The following ZNFX1 variants were observed in gnomAD, a reference collection of about 807,000 sequenced individuals.
ZNFX1 encodes the protein NFX1-type zinc finger-containing protein 1.
In ZNFX1, 78 loss-of-function variants were observed where a neutral mutation model predicts 179.8. That is an observed-to-expected ratio of 0.43 (90% CI 0.36 to 0.52). The LOEUF is 0.52. Ranked by LOEUF, ZNFX1 falls within the 20% of genes least tolerant of loss-of-function variation. The pLI is 0.00. For synonymous variants in ZNFX1, 848 were observed against 868.5 expected, an observed-to-expected ratio of 0.98 and a Z score of 0.42; for missense variants, 1,927 against 2,386.6, an observed-to-expected ratio of 0.81 and a Z score of 4.01.
rs756833160 is a variant in ZNFX1, at chr20:49,248,912, C to T, written c.4112G>A (p.Cys1371Tyr). ...AGACTTGGAGCAAGGCTCCTGGCAG[C>T]AGAAATCTGACTCAGGCACGGAACA... ...VPCSVPESDF[C>Y]CQEPCSKSLR... Residue 1371 changes from cysteine (C) to tyrosine (Y), a missense_variant, in exon 14 of 14, where the codon TGC becomes TAC. Transcript: ENST00000396105. The surrounding 1 kb of genome is among the most constrained non-coding windows in gnomAD (Gnocchi z 4.6). The T allele has an allele frequency of 2.5e-5, 40 of 1,614,154 alleles. No homozygotes were observed. Among genetic ancestry groups the T allele is most frequent in the Non-Finnish European group, 3.4e-5 (40 of 1,180,062 alleles).
At position 49,249,366 on chromosome 20, in the gene ZNFX1, C is replaced by T; in HGVS notation, c.3658G>A (p.Ala1220Thr). Residue 1220 changes from alanine (A) to threonine (T), a missense_variant, in exon 14 of 14, where the codon GCC becomes ACC. Transcript: ENST00000396105. The stretch of plus-strand genomic sequence containing the variant: ...ATTCCCTTCTTGGCTCGGGACAAGG[C>T]CACACAGATGCGGTTGGATATCTGC... ...FLQISNRICV[A>T]LSRAKKGMYC... 2 of 1,614,256 alleles carry T rather than the reference C, an allele frequency of 1.2e-6. No individual in the cohort carries two copies. The highest frequency in any genetic ancestry group is 1.7e-6 in the Non-Finnish European group (2 of 1,180,052).
intron 5 of ZNFX1, among the ~76,000 whole-genome samples, chr20:49,264,513 T>C (rs185903907): frequency 6.6e-6 from 1 of 152,208 alleles, no homozygotes; most frequent in East Asian, 1.9e-4. Flanking sequence ...ATGGGCAGTG[T>C]TTCCTTGTCT....
rs145092573 is a variant in ZNFX1 at position 49,255,855 on chromosome 20, G to T, written c.2757C>A (p.Ile919=). Residue 919 remains isoleucine, a synonymous_variant, in exon 9 of 14, where the codon ATC becomes ATA. Coordinates refer to ENST00000396105, the MANE Select transcript of ZNFX1 (RefSeq NM_021035.3). ...NTMTAAEANE[I]EDVWQLDLSS... ...TGAGGTCCAGCTGCCAAACATCCTC[G>T]ATCTCGTTGGCCTCGGCTGCAGTCA... is the stretch of plus-strand genomic sequence containing the variant. 28 of 1,614,000 alleles carry T rather than the reference G, an allele frequency of 1.7e-5. No individual in the cohort carries two copies. In the Middle Eastern group the frequency reaches 6.6e-4, roughly 38 times the overall value.
In ZNFX1 at chr20:49,249,294, T is replaced by G; in HGVS notation, c.3730A>C (p.Ser1244Arg). 1.9e-6 allele frequency: 3 copies of G among 1,614,246 alleles called. No individual in the cohort carries two copies. The highest frequency in any genetic ancestry group is 2.5e-6 in the Non-Finnish European group (3 of 1,180,046). ...MQMLAKVPLW[S>R]KIIHTLRENN... ...TCTCGAAGTGTATGAATGATCTTGC[T>G]CCACAGGGGCACCTTGGCCAGCATC... Residue 1244 changes from serine to arginine, a missense_variant, in exon 14 of 14, where the codon AGC becomes CGC. By Grantham distance (110) the Ser-to-Arg change is moderately radical. Coordinates refer to ENST00000396105, the MANE Select transcript of ZNFX1 (RefSeq NM_021035.3).
At chr20:49,262,883 T>C (rs1981148906) in intron 6 of ZNFX1, among the ~76,000 whole-genome samples, 1 of 152,250 alleles carries the variant, frequency 6.6e-6, no homozygotes, top group African/African-American at 2.4e-5. Flanking sequence ...CCTCTGGTTA[T>C]GATTTTCTTC....
chr20:49,248,274 G>A lies in ZNFX1; in HGVS notation c.4750C>T (p.Arg1584Cys), dbSNP rs35804241. 312 of 1,614,090 alleles carry A rather than the reference G, an allele frequency of 1.9e-4. No homozygotes were observed. Among genetic ancestry groups the A allele is most frequent in the Non-Finnish European group, 2.5e-4 (293 of 1,180,032 alleles). The part of the protein sequence containing the change: ...FFGFEDEPDA[R>C]FVQLEDCSHI... ...CTGCAGTCTTCCAGCTGCACAAAGC[G>A]GGCATCAGGCTCATCCTCAAAGCCA... Residue 1584 changes from arginine (R) to cysteine (C), a missense_variant, in exon 14 of 14, where the codon CGC becomes TGC. By Grantham distance (180) the Arg-to-Cys change is radical. Coordinates refer to ENST00000396105, the MANE Select transcript of ZNFX1 (RefSeq NM_021035.3). This position sits in a 1 kb window ranked among gnomAD's most constrained non-coding sequence, Gnocchi z 4.6.
intron 2 of ZNFX1, among the ~76,000 whole-genome samples, chr20:49,273,031 A>G (rs1981460185): frequency 6.6e-6 from 1 of 152,238 alleles, no homozygotes; most frequent in Non-Finnish European, 1.5e-5. Flanking sequence ...AAAGCTTCAA[A>G]TGCATGTTAT....
At position 49,246,200 on chromosome 20, in the gene ZNFX1, T is replaced by C. The variant is rs1276714529; in HGVS notation, c.*1067A>G. 2.0e-5 allele frequency: 3 copies of C among 152,164 alleles called. No individual in the cohort carries two copies. Among genetic ancestry groups the C allele is most frequent in the African/African-American group, 7.2e-5 (3 of 41,434 alleles). The allele number at this position is 152,164 out of a possible 1,614,324, so 9.4% of individuals were successfully genotyped here. A position where few individuals can be genotyped will look rare whatever the true frequency, so the allele number is the denominator to read the frequency against. ...GGATAGGTGCTGCTGGTACCAAATGTGATTTTAGCTCCATTCAGGGCCCAG... is the reference window on the plus strand; with the variant it reads ...GGATAGGTGCTGCTGGTACCAAATGCGATTTTAGCTCCATTCAGGGCCCAG... On this transcript the variant is annotated 3_prime_UTR_variant, in exon 14 of 14. Transcript: ENST00000396105.
chr20:49,268,506 CA>C (rs1981300682), intron 3 of ZNFX1, among the ~76,000 whole-genome samples: 1 of 151,924 alleles, frequency 6.6e-6, no homozygotes, highest in Non-Finnish European at 1.5e-5. Context: ...GCAACAAAAC[CA>C]AAAATTGACA....
chr20:49,247,915 C>T lies in ZNFX1; in HGVS notation c.5109G>A (p.Glu1703=). The change falls in exon 14 of 14, where the codon GAG becomes GAA. Residue 1703 remains glutamate (E), a synonymous_variant. Coordinates refer to ENST00000396105, the MANE Select transcript of ZNFX1 (RefSeq NM_021035.3). ...GGTGGTCATAGAAGCTGATGTAATT[C>T]TCAACCAGACCCAGGTCCTTCACTG... ...NLSVKDLGLV[E]NYISFYDHLA... is the part of the protein sequence containing the mutation. The T allele has an allele frequency of 6.2e-7, 1 of 1,614,160 alleles. No homozygotes were observed. Among genetic ancestry groups the T allele is most frequent in the South Asian group, 1.1e-5 (1 of 91,080 alleles).
Position 49,270,457 on chromosome 20 carries a change from G to C in ZNFX1, c.1355C>G (p.Ser452Cys), listed in dbSNP as rs1288996744. 6.2e-7 allele frequency: 1 copy of C among 1,614,206 alleles called. No individual in the cohort carries two copies. The highest frequency in any genetic ancestry group is 1.1e-5 in the South Asian group (1 of 91,088). The change falls in exon 3 of 14, where the codon TCT (serine) becomes TGT (cysteine). Residue 452 changes from serine to cysteine, a missense_variant. Ser to Cys is a moderately radical substitution (Grantham distance 112, BLOSUM62 -1). Transcript: ENST00000396105. This position sits in a 1 kb window ranked among gnomAD's most constrained non-coding sequence, Gnocchi z 4.6. ...GTTGTCCTTGGACATGCATACCAAA[G>C]ACCCATAGAGCAATCGTTTGGAATT... ...WQNSKRLLYGSLVCMSKDNFE... is the reference protein window; with the variant it reads ...WQNSKRLLYGCLVCMSKDNFE...
rs776363626 is a variant in ZNFX1 at position 49,257,454 on chromosome 20, G to A, written c.2627C>T (p.Thr876Ile). ...TGTGGCTTGCTCCTGTCCAGCTGCT[G>A]TCCCAGTGCCACAATGGTCTAGCCT... ...AMRLDHCGTG[T>I]AAGQEQATGE... Residue 876 changes from threonine to isoleucine, a missense_variant, in exon 8 of 14, where the codon ACA (threonine) becomes ATA (isoleucine). Transcript: ENST00000396105. 4 of 1,613,964 alleles carry A rather than the reference G, an allele frequency of 2.5e-6. No individual in the cohort carries two copies. The highest frequency in any genetic ancestry group is 1.3e-5 in the African/African-American group (1 of 74,906).
chr20:49,252,475 T>C (rs1363331715), intron 12 of ZNFX1, among the ~76,000 whole-genome samples: 2 of 149,912 alleles, frequency 1.3e-5, no homozygotes, highest in Non-Finnish European at 3.0e-5. Context: ...GGAAAGAAAA[T>C]CTAGAGAGAT....
chr20:49,247,026 G>A lies in ZNFX1; in HGVS notation c.*241C>T, dbSNP rs1479225690. 8.2e-6 allele frequency: 4 copies of A among 486,074 alleles called. No individual in the cohort carries two copies. Among genetic ancestry groups the A allele is most frequent in the African/African-American group, 2.0e-5 (1 of 50,926 alleles). 30.1% of individuals were successfully genotyped at this position (486,074 alleles called of 1,614,324 possible). A position where few individuals can be genotyped will look rare whatever the true frequency, so the allele number is the denominator to read the frequency against. ...TGGGATTACAGGCGCCCGCCATAAC[G>A]CCCAGCTAATTTTTGTATTTTTAGT... On this transcript the variant is annotated 3_prime_UTR_variant, in exon 14 of 14. Transcript: ENST00000396105.
rs776602759 is a variant in ZNFX1 at position 49,248,575 on chromosome 20, G to A, written c.4449C>T (p.Cys1483=). The A allele has an allele frequency of 2.3e-5, 37 of 1,614,052 alleles. No homozygotes were observed. In the South Asian group the frequency reaches 3.5e-4, roughly 15 times the overall value. ...TCTGACAGGTCCGCTGGCAGGGTGG[G>A]CACTCACCAATGCATGGTTCCTGGC... ...HKCQEPCIGE[C]PPCQRTCQNR... Residue 1483 remains cysteine, a synonymous_variant, in exon 14 of 14, where the codon TGC becomes TGT. Coordinates refer to ENST00000396105, the MANE Select transcript of ZNFX1 (RefSeq NM_021035.3). This position sits in a 1 kb window ranked among gnomAD's most constrained non-coding sequence, Gnocchi z 4.6.
chr20:49,254,226 C>T (rs1006921393), intron 10 of ZNFX1, among the ~76,000 whole-genome samples: 4 of 152,048 alleles, frequency 2.6e-5, no homozygotes, highest in African/African-American at 9.7e-5. Context: ...GAGATTTCAC[C>T]ATGTTGGCCA....
intron 2 of ZNFX1, 65 bp from the exon 3 acceptor site, chr20:49,271,815 C>T (rs1981413019): frequency 6.7e-7 from 1 of 1,503,746 alleles, no homozygotes; most frequent in Non-Finnish European, 8.9e-7. Flanking sequence ...AACAGAACGA[C>T]AATGAACGTG....
At chr20:49,255,031 G>A (rs775929680) in intron 9 of ZNFX1, among the ~76,000 whole-genome samples, 4 of 145,848 alleles carry the variant, frequency 2.7e-5, no homozygotes, top group Non-Finnish European at 6.0e-5. Context: ...CTTTCCAACG[G>A]CTTTCTACTA....
intron 6 of ZNFX1, among the ~76,000 whole-genome samples, chr20:49,261,863 G>A (rs1184460528): frequency 6.6e-6 from 1 of 151,356 alleles, no homozygotes; most frequent in Non-Finnish European, 1.5e-5. Flanking sequence ...AGCCAGGATG[G>A]TCTCAATCTC....
Sources: gnomAD v4.1 joint callset for allele counts (sites outside exome capture counted in the v4.1 genomes callset) on GRCh38, gnomAD v4.1.1 for gene constraint, Gnocchi (gnomAD v3.1) non-coding constraint, MANE v1.5 for transcripts, NCBI Gene and HGNC (gene_info 2026-07-23, HGNC 2026-07-21) for gene names.